The following NNMT variants were observed in gnomAD, a reference collection of about 807,000 sequenced individuals.
The protein encoded by NNMT is nicotinamide N-methyltransferase.
NNMT carries 10 observed loss-of-function variants against 11.7 expected under a neutral mutation model. The observed-to-expected ratio is 0.85, with a 90% CI of 0.53 to 1.45. The LOEUF (loss-of-function observed/expected upper bound fraction) is 1.45. Ranked by LOEUF, NNMT falls within the 40% of genes most tolerant of loss-of-function variation. NNMT has a pLI of 0.00. For missense variants in NNMT, 381 were observed against 319.4 expected (o/e 1.19, Z -1.47); for synonymous variants, 143 against 133.8 (o/e 1.07, Z -0.48).
intron 2 of NNMT, among the ~76,000 whole-genome samples, chr11:114,271,426 T>G (rs1400077226): frequency 6.6e-6 from 1 of 152,222 alleles, no homozygotes; most frequent in Non-Finnish European, 1.5e-5. Flanking sequence ...TGAGATTTAA[T>G]GTCTACTACC....
chr11:114,260,968 C>A (rs934300866), intron 1 of NNMT, among the ~76,000 whole-genome samples: 1 of 152,228 alleles, frequency 6.6e-6, no homozygotes, highest in Non-Finnish European at 1.5e-5. Flanking sequence ...TCAGCAAATA[C>A]CTAGCCCACC....
At chr11:114,289,527 A>G (rs377704821) in intron 2 of NNMT, among the ~76,000 whole-genome samples, 1 of 151,844 alleles carries the variant, frequency 6.6e-6, no homozygotes, top group Non-Finnish European at 1.5e-5. Flanking sequence ...CTTAGCTGCA[A>G]CTCATGAGTT....
At chr11:114,287,147 G>C (rs1295857928) in intron 2 of NNMT, among the ~76,000 whole-genome samples, 2 of 152,216 alleles carry the variant, frequency 1.3e-5, no homozygotes, top group East Asian at 1.9e-4. Context: ...ATAAATTCTT[G>C]CTTGTCAGTT....
chr11:114,309,946 A>C (rs1425416810), intron 2 of NNMT, among the ~76,000 whole-genome samples: 1 of 152,166 alleles, frequency 6.6e-6, no homozygotes, highest in Non-Finnish European at 1.5e-5. Context: ...ATGTTGTAGC[A>C]TGTGTCAGAA....
intron 2 of NNMT, among the ~76,000 whole-genome samples, chr11:114,269,176 AT>A (rs1335771208): frequency 6.6e-6 from 1 of 152,368 alleles, no homozygotes; most frequent in East Asian, 1.9e-4. Context: ...GCTCTTATAC[AT>A]CAACCTATTA....
chr11:114,291,321 A>G (rs563132346), intron 2 of NNMT, among the ~76,000 whole-genome samples: 2 of 151,970 alleles, frequency 1.3e-5, no homozygotes, highest in Admixed American at 1.3e-4. Context: ...CCTCTGCTAC[A>G]TTTTGCACAA....
rs188930951 is a variant in NNMT at position 114,301,605 on chromosome 11, G to A, written c.362+3447G>A. On this transcript the variant is annotated intron_variant, in intron 2 of 2. Coordinates refer to ENST00000299964, the MANE Select transcript of NNMT (RefSeq NM_006169.3). ...AGTAAAGAAGATAAGTGGTTGCTAG[G>A]GGTCGGGGAGGGAGAGATAAATAGG... Among the ~76,000 whole-genome samples the A allele has an allele frequency of 1.6e-3, 244 of 152,170 alleles. 1 individual carries two copies. The highest frequency in any genetic ancestry group is 5.6e-3 in the African/African-American group (233 of 41,532).
upstream of NNMT, among the ~76,000 whole-genome samples, chr11:114,293,494 C>T (rs1298960126): frequency 6.6e-6 from 1 of 151,618 alleles, no homozygotes; most frequent in Non-Finnish European, 1.5e-5. Context: ...ATATCCTTGC[C>T]AGCATTTGTT....
intron 2 of NNMT, among the ~76,000 whole-genome samples, chr11:114,269,955 T>C (rs1445448841): frequency 1.3e-5 from 2 of 152,164 alleles, no homozygotes; most frequent in Admixed American, 6.5e-5. Flanking sequence ...TAGTGTCCTA[T>C]AGATTCTTAT....
chr11:114,259,048 C>T (rs908626186), intron 1 of NNMT, among the ~76,000 whole-genome samples: 1 of 152,236 alleles, frequency 6.6e-6, no homozygotes, highest in Non-Finnish European at 1.5e-5. Context: ...ATTTAGTCAC[C>T]TGTTTCCTTA....
At chr11:114,260,621 C>G (rs1035488649) in intron 1 of NNMT, among the ~76,000 whole-genome samples, 1 of 152,228 alleles carries the variant, frequency 6.6e-6, no homozygotes, top group African/African-American at 2.4e-5. Flanking sequence ...CTCATAAACA[C>G]TGTCCTTGCC....
chr11:114,312,102 G>A lies in NNMT; in HGVS notation c.420G>A (p.Lys140=). 1 of 1,611,434 alleles carries A rather than the reference G, an allele frequency of 6.2e-7. No homozygotes were observed. Among genetic ancestry groups the A allele is most frequent in the South Asian group, 1.1e-5 (1 of 90,782 alleles). The part of the protein sequence containing the change: ...KLRQAVKQVL[K]CDVTQSQPLG... ...GACAGGCGGTCAAGCAGGTGCTGAA[G>A]TGTGATGTGACTCAGAGCCAGCCAC... is the stretch of plus-strand genomic sequence containing the variant. The change falls in exon 3 of 3, where the codon AAG becomes AAA. Residue 140 remains lysine, a synonymous_variant. Coordinates refer to ENST00000299964, the MANE Select transcript of NNMT (RefSeq NM_006169.3).
chr11:114,262,900 G>A (rs1481603211), exon 2 of NNMT: 1 of 152,256 alleles, frequency 6.6e-6, no homozygotes, highest in Non-Finnish European at 1.5e-5. Flanking sequence ...GAGGGAAAGA[G>A]GAAGTGCATC....
chr11:114,310,097 A>G (rs944749294), intron 2 of NNMT, among the ~76,000 whole-genome samples: 19 of 152,172 alleles, frequency 1.2e-4, no homozygotes, highest in African/African-American at 3.6e-4. Flanking sequence ...GTATGGATAT[A>G]TGTTTTCATT....
intron 2 of NNMT, among the ~76,000 whole-genome samples, chr11:114,280,962 C>T (rs1945257266): frequency 6.6e-6 from 1 of 152,152 alleles, no homozygotes; most frequent in Non-Finnish European, 1.5e-5. Context: ...GCAGAGTGCC[C>T]TGACCTCCAC....
chr11:114,292,513 G>A (rs2135266046), upstream of NNMT, among the ~76,000 whole-genome samples: 1 of 152,266 alleles, frequency 6.6e-6, no homozygotes, highest in East Asian at 1.9e-4. Context: ...TGAGGTCATA[G>A]CCTGGGACGA....
chr11:114,308,042 C>T (rs570193647), intron 2 of NNMT, among the ~76,000 whole-genome samples: 67 of 152,204 alleles, frequency 4.4e-4, no homozygotes, highest in Admixed American at 7.9e-4. Context: ...ATCTGTTTCT[C>T]ATTTGTTCAT....
At chr11:114,286,696 C>G (rs538755399) in intron 2 of NNMT, among the ~76,000 whole-genome samples, 1 of 152,168 alleles carries the variant, frequency 6.6e-6, no homozygotes, top group East Asian at 1.9e-4. Flanking sequence ...CATTGTTGGA[C>G]TTTTAGGTTG....
intron 2 of NNMT, among the ~76,000 whole-genome samples, chr11:114,288,524 A>G (rs1945314242): frequency 2.0e-5 from 3 of 151,868 alleles, no homozygotes; most frequent in African/African-American, 7.2e-5. Context: ...TATTAATTGA[A>G]TTTTGAATGT....
Sources: gnomAD v4.1 joint callset for allele counts (sites outside exome capture counted in the v4.1 genomes callset) on GRCh38, gnomAD v4.1.1 for gene constraint, MANE v1.5 for transcripts, NCBI Gene and HGNC (gene_info 2026-07-23, HGNC 2026-07-21) for gene names.